The following SGCZ variants were observed in gnomAD, a reference collection of about 807,000 sequenced individuals.
SGCZ encodes the protein zeta-sarcoglycan.
A neutral mutation model predicts 41.3 loss-of-function variants in SGCZ; 40 were observed. The ratio of observed to expected loss-of-function variants is 0.97; its 90% CI spans 0.75 to 1.26. SGCZ has a LOEUF of 1.26. SGCZ is among the 50% of genes most tolerant of loss of function. SGCZ has a pLI of 0.00. For synonymous variants in SGCZ, 206 were observed against 137.5 expected (o/e 1.50, Z -3.49); for missense variants, 552 against 369.8 (o/e 1.49, Z -4.04).
At chr8:15,155,701 C>G (rs1264894263) in intron 1 of SGCZ, among the ~76,000 whole-genome samples, 2 of 152,054 alleles carry the variant, frequency 1.3e-5, no homozygotes, top group African/African-American at 4.8e-5. Context: ...AATTGATCAC[C>G]ATGCAAAATT....
intron 1 of SGCZ, among the ~76,000 whole-genome samples, chr8:14,822,861 G>A (rs572197723): frequency 1.6e-3 from 241 of 151,986 alleles, no homozygotes; most frequent in African/African-American, 5.2e-3. Context: ...CGTGACCAGC[G>A]TGTGCAACAT....
intron 1 of SGCZ, among the ~76,000 whole-genome samples, chr8:14,568,555 T>C (rs2117225307): frequency 6.6e-6 from 1 of 152,186 alleles, no homozygotes; most frequent in South Asian, 2.1e-4. Flanking sequence ...TTGTGTTAGC[T>C]CACCATAGGA....
chr8:14,421,439 T>C (rs1799634551), intron 2 of SGCZ, among the ~76,000 whole-genome samples: 1 of 152,178 alleles, frequency 6.6e-6, no homozygotes, highest in Admixed American at 6.6e-5. Context: ...ATACCAGGTC[T>C]TGGGATCCCA....
At chr8:14,580,790 T>C (rs559104318) in intron 1 of SGCZ, among the ~76,000 whole-genome samples, 2 of 152,300 alleles carry the variant, frequency 1.3e-5, no homozygotes, top group Non-Finnish European at 2.9e-5. Context: ...TACTATCACA[T>C]GTGCCATTCT....
intron 1 of SGCZ, among the ~76,000 whole-genome samples, chr8:15,159,586 T>C (rs868246911): frequency 4.6e-5 from 7 of 152,278 alleles, no homozygotes; most frequent in Middle Eastern, 3.4e-3. Context: ...CAGAACTGAT[T>C]GCTTGCCTGG....
chr8:14,960,998 A>G (rs570776526), intron 1 of SGCZ, among the ~76,000 whole-genome samples: 33 of 151,808 alleles, frequency 2.2e-4, no homozygotes, highest in African/African-American at 7.5e-4. Flanking sequence ...CCAATTTTAC[A>G]TTTTACAAAA....
chr8:14,444,410 T>C (rs142765949), intron 2 of SGCZ, among the ~76,000 whole-genome samples: 5,900 of 151,770 alleles, frequency 0.039, 168 homozygotes, highest in African/African-American at 0.077. Flanking sequence ...TTGGAACCAA[T>C]CCAAATGTCC....
intron 2 of SGCZ, among the ~76,000 whole-genome samples, chr8:14,521,095 T>C (rs532004466): frequency 4.6e-5 from 7 of 152,216 alleles, no homozygotes; most frequent in African/African-American, 1.7e-4. Context: ...ATCTTGTAAA[T>C]CTATAACAGA....
intron 4 of SGCZ, among the ~76,000 whole-genome samples, chr8:14,228,687 G>C (rs1023580102): frequency 3.9e-5 from 6 of 152,004 alleles, no homozygotes; most frequent in African/African-American, 1.4e-4. Context: ...AAAGCAGTGG[G>C]ACACCTTTAC....
intron 1 of SGCZ, among the ~76,000 whole-genome samples, chr8:14,686,866 C>A (rs145314752): frequency 6.6e-6 from 1 of 152,052 alleles, no homozygotes; most frequent in Admixed American, 6.6e-5. Flanking sequence ...ATGGCTTCAT[C>A]AGCAGCACAA....
chr8:15,131,712 T>C (rs1018461394), intron 1 of SGCZ, among the ~76,000 whole-genome samples: 2 of 152,142 alleles, frequency 1.3e-5, no homozygotes, highest in Non-Finnish European at 2.9e-5. Flanking sequence ...AGTCCCCTAA[T>C]AGCAACCAGC....
At chr8:14,497,453 T>C (rs994636838) in intron 2 of SGCZ, among the ~76,000 whole-genome samples, 4 of 152,160 alleles carry the variant, frequency 2.6e-5, no homozygotes. Context: ...ACTCACACCC[T>C]GCAGGCTGAA....
rs1428195927 is a variant in SGCZ at position 14,726,311 on chromosome 8, C to CATACATATATAT, written c.40-171386_40-171385insATATATATGTAT. On this transcript the variant is annotated intron_variant, in intron 1 of 7. Transcript: ENST00000382080. ...GTGTGTGTGTGTATATGTGTAAATA[C>CATACATATATAT]ATATATATATATCTATATATATATA... Among the ~76,000 whole-genome samples, 380 of 107,600 alleles carry CATACATATATAT rather than the reference C, an allele frequency of 3.5e-3. 1 individual carries two copies. Among genetic ancestry groups the CATACATATATAT allele is most frequent in the Admixed American group, 5.8e-3 (58 of 9,930 alleles). The allele number at this position is 107,600 out of a possible 152,430, so 70.6% of individuals were successfully genotyped here.
At chr8:14,998,188 G>A (rs1354910924) in intron 1 of SGCZ, among the ~76,000 whole-genome samples, 2 of 152,052 alleles carry the variant, frequency 1.3e-5, no homozygotes, top group Non-Finnish European at 2.9e-5. Flanking sequence ...CCTACAAAAC[G>A]AAAAAGAAGT....
At chr8:14,190,278 C>A (rs1393133185) in intron 4 of SGCZ, among the ~76,000 whole-genome samples, 2 of 151,872 alleles carry the variant, frequency 1.3e-5, no homozygotes, top group African/African-American at 4.8e-5. Context: ...TCCCAAAGTG[C>A]CAGGATTACA....
At chr8:15,112,815 G>A (rs939128721) in intron 1 of SGCZ, among the ~76,000 whole-genome samples, 8 of 152,338 alleles carry the variant, frequency 5.3e-5, no homozygotes, top group South Asian at 2.1e-4. Context: ...TTGATGCTGT[G>A]TGGAGCAGGA....
intron 1 of SGCZ, among the ~76,000 whole-genome samples, chr8:15,128,886 G>C (rs1807799427): frequency 6.6e-6 from 1 of 152,088 alleles, no homozygotes; most frequent in Non-Finnish European, 1.5e-5. Flanking sequence ...GCTGATTTCA[G>C]AATAAAACAT....
At chr8:14,404,145 T>G (rs1799150048) in intron 2 of SGCZ, among the ~76,000 whole-genome samples, 1 of 152,186 alleles carries the variant, frequency 6.6e-6, no homozygotes, top group Admixed American at 6.6e-5. Flanking sequence ...AGCTCCATTT[T>G]AAATTTTACT....
chr8:15,062,204 T>C (rs1202436442), intron 1 of SGCZ, among the ~76,000 whole-genome samples: 1 of 152,178 alleles, frequency 6.6e-6, no homozygotes, highest in South Asian at 2.1e-4. Flanking sequence ...GTTTTTATTA[T>C]AGTTAATGAA....
Sources: allele counts gnomAD v4.1 joint callset (sites outside exome capture counted in the v4.1 genomes callset), GRCh38; gene constraint gnomAD v4.1.1; transcripts MANE v1.5; gene names NCBI Gene and HGNC (gene_info 2026-07-23, HGNC 2026-07-21).